The following TAFA1 variants were observed in gnomAD, a reference collection of about 807,000 sequenced individuals.
TAFA1 encodes chemokine-like protein TAFA-1.
Under a neutral mutation model 18.5 loss-of-function variants are expected in TAFA1, and 4 were observed. The ratio of observed to expected loss-of-function variants is 0.22; its 90% CI spans 0.11 to 0.49. The LOEUF (loss-of-function observed/expected upper bound fraction) is 0.49. Among genes scored for constraint, TAFA1 ranks in the 20% least tolerant of loss-of-function variants. The pLI is 0.98. For synonymous variants in TAFA1, 56 were observed against 55.2 expected, an observed-to-expected ratio of 1.01 and a Z score of -0.06; for missense variants, 147 against 169.0, an observed-to-expected ratio of 0.87 and a Z score of 0.72.
At chr3:68,453,106 A>G (rs907554733) in intron 3 of TAFA1, among the ~76,000 whole-genome samples, 2 of 152,154 alleles carry the variant, frequency 1.3e-5, no homozygotes, top group African/African-American at 2.4e-5. Context: ...TAATCTCCAG[A>G]GACATAAGCG....
chr3:68,041,145 A>G (rs1331675883), intron 2 of TAFA1, among the ~76,000 whole-genome samples: 3 of 152,260 alleles, frequency 2.0e-5, no homozygotes, highest in African/African-American at 7.2e-5. Flanking sequence ...AAATAAAGAC[A>G]TAATCCAAAA....
chr3:68,397,978 A>C (rs1456570811), intron 2 of TAFA1, among the ~76,000 whole-genome samples: 1 of 152,202 alleles, frequency 6.6e-6, no homozygotes. Flanking sequence ...CAATATCATG[A>C]AAATGGCCAT....
upstream of TAFA1, among the ~76,000 whole-genome samples, chr3:68,001,187 G>A (rs1704279803): frequency 1.3e-5 from 2 of 152,092 alleles, 1 homozygote; most frequent in South Asian, 4.1e-4. Flanking sequence ...GTCCTAAAAG[G>A]AGAATAAAGA....
At chr3:68,064,913 T>A (rs2064654860) in intron 2 of TAFA1, among the ~76,000 whole-genome samples, 1 of 152,066 alleles carries the variant, frequency 6.6e-6, no homozygotes, top group African/African-American at 2.4e-5. Context: ...GAGAAAAAAA[T>A]AAACTAATTG....
intron 2 of TAFA1, among the ~76,000 whole-genome samples, chr3:68,366,607 C>A (rs904391735): frequency 6.6e-6 from 1 of 152,170 alleles, no homozygotes; most frequent in Non-Finnish European, 1.5e-5. Flanking sequence ...TCCTTACAGG[C>A]AGGCAATATG....
chr3:68,030,086 G>C (rs1437876144), intron 2 of TAFA1, among the ~76,000 whole-genome samples: 1 of 152,084 alleles, frequency 6.6e-6, no homozygotes, highest in Non-Finnish European at 1.5e-5. Flanking sequence ...TTGATGTTTT[G>C]TAAGATGAAG....
intron 2 of TAFA1, among the ~76,000 whole-genome samples, chr3:68,058,071 G>T (rs1376654373): frequency 1.3e-5 from 2 of 152,158 alleles, no homozygotes; most frequent in Non-Finnish European, 2.9e-5. Flanking sequence ...CAGGTGTAAA[G>T]GATGACAATC....
chr3:68,373,467 T>C (rs557541990), intron 2 of TAFA1, among the ~76,000 whole-genome samples: 11 of 152,170 alleles, frequency 7.2e-5, no homozygotes, highest in Admixed American at 1.3e-4. Flanking sequence ...GCTTCATCCA[T>C]ATCAACTCAG....
chr3:68,080,073 T>C (rs1282594821), intron 2 of TAFA1, among the ~76,000 whole-genome samples: 1 of 152,200 alleles, frequency 6.6e-6, no homozygotes, highest in Non-Finnish European at 1.5e-5. Flanking sequence ...TGTAATGGCC[T>C]TCTTTGTCTC....
chr3:68,172,190 A>G (rs768543542), intron 2 of TAFA1, among the ~76,000 whole-genome samples: 1 of 152,216 alleles, frequency 6.6e-6, no homozygotes, highest in Non-Finnish European at 1.5e-5. Context: ...CAAAGACAGA[A>G]TCTTGAGAGC....
intron 2 of TAFA1, among the ~76,000 whole-genome samples, chr3:68,016,555 G>C (rs926670386): frequency 6.6e-6 from 1 of 152,118 alleles, no homozygotes; most frequent in Non-Finnish European, 1.5e-5. Flanking sequence ...ACAGCTTGTA[G>C]CTTAGGAGCA....
At chr3:68,083,127 A>T (rs77606319) in intron 2 of TAFA1, among the ~76,000 whole-genome samples, 1,593 of 152,262 alleles carry the variant, frequency 0.01, 32 homozygotes, top group African/African-American at 0.035. Flanking sequence ...CGAAAGGAAA[A>T]ATGTGAAGGC....
chr3:68,514,886 T>C lies in TAFA1; in HGVS notation c.260-23870T>C, dbSNP rs560000080. Among the ~76,000 whole-genome samples, 6 of 152,288 alleles carry C rather than the reference T, an allele frequency of 3.9e-5. No homozygotes were observed. The East Asian group carries it at 5.8e-4, about 15-fold the overall frequency. On this transcript the variant is annotated intron_variant, in intron 3 of 4. Transcript: ENST00000478136. ...CCCCAAAATTAGTAGTTTGAAACAA[T>C]AGCCATTTTATTACATCTCATGTTT...
intron 2 of TAFA1, among the ~76,000 whole-genome samples, chr3:68,084,839 G>C (rs1030591231): frequency 6.6e-6 from 1 of 150,830 alleles, no homozygotes; most frequent in Non-Finnish European, 1.5e-5. Flanking sequence ...ACAAAAAGTA[G>C]CCCCCATACT....
intron 2 of TAFA1, among the ~76,000 whole-genome samples, chr3:68,026,591 C>T (rs1704821897): frequency 6.6e-6 from 1 of 152,058 alleles, no homozygotes; most frequent in South Asian, 2.1e-4. Context: ...TGACAATGAC[C>T]TGAGGAGGTA....
chr3:68,515,458 A>T (rs940836123), intron 3 of TAFA1, among the ~76,000 whole-genome samples: 4 of 152,240 alleles, frequency 2.6e-5, no homozygotes, highest in African/African-American at 4.8e-5. Flanking sequence ...GTTTCCAGGA[A>T]GTATGGTTAG....
At chr3:68,483,858 T>C (rs1306584092) in intron 3 of TAFA1, among the ~76,000 whole-genome samples, 1 of 152,112 alleles carries the variant, frequency 6.6e-6, no homozygotes, top group Admixed American at 6.5e-5. Context: ...AAGGAAACAA[T>C]AGGAGGTTGA....
At chr3:68,483,938 G>T (rs1407230050) in intron 3 of TAFA1, among the ~76,000 whole-genome samples, 1 of 152,166 alleles carries the variant, frequency 6.6e-6, no homozygotes, top group Admixed American at 6.5e-5. Flanking sequence ...AGCCACGGAA[G>T]GATTTTAAGC....
chr3:68,523,895 C>T (rs1457234845), intron 3 of TAFA1, among the ~76,000 whole-genome samples: 1 of 152,130 alleles, frequency 6.6e-6, no homozygotes, highest in Non-Finnish European at 1.5e-5. Context: ...CAGTCTCATA[C>T]CATCTTCCTA....
Sources: allele counts gnomAD v4.1 joint callset (sites outside exome capture counted in the v4.1 genomes callset), GRCh38; gene constraint gnomAD v4.1.1; transcripts MANE v1.5; gene names NCBI Gene and HGNC (gene_info 2026-07-23, HGNC 2026-07-21).